Variants in TNFSF8 observed in about 807,000 individuals in gnomAD.
TNFSF8 encodes TNF superfamily member 8.
TNFSF8 carries 4 observed loss-of-function variants against 22.0 expected under a neutral mutation model. That is an observed-to-expected ratio of 0.18 (90% CI 0.09 to 0.42). The LOEUF (loss-of-function observed/expected upper bound fraction) is 0.42, where lower values mean the gene tolerates loss of function less well. Among genes scored for constraint, TNFSF8 ranks in the 10% least tolerant of loss-of-function variants. The pLI, the probability that TNFSF8 is intolerant of heterozygous loss-of-function variation, is 1.00. For missense variants in TNFSF8, 233 were observed against 281.8 expected (o/e 0.83, Z 1.24); for synonymous variants, 106 against 112.5 (o/e 0.94, Z 0.37).
exon 5 of TNFSF8, chr9:114,893,702 G>A (rs76985645): frequency 7.0e-4 from 130 of 184,850 alleles, no homozygotes; most frequent in African/African-American, 2.7e-3. Flanking sequence ...ATAATGGGCT[G>A]TTGCATGATT....
intron 2 of TNFSF8, among the ~76,000 whole-genome samples, chr9:114,908,313 G>A (rs1233498335): frequency 1.3e-5 from 2 of 152,206 alleles, no homozygotes; most frequent in Non-Finnish European, 2.9e-5. Context: ...CAACAGTGAG[G>A]TGAATCAGGA....
intron 1 of TNFSF8, among the ~76,000 whole-genome samples, chr9:114,926,122 A>G (rs1216690161): frequency 6.6e-6 from 1 of 151,942 alleles, no homozygotes; most frequent in Non-Finnish European, 1.5e-5. Context: ...TTTTCTTTCC[A>G]TATTGATGTA....
rs911671073 is a variant in TNFSF8 at position 114,901,325 on chromosome 9, C to CT, written c.*2605dup. The CT allele has an allele frequency of 1.5e-5, 15 of 985,178 alleles. No individual in the cohort carries two copies. Among genetic ancestry groups the CT allele is most frequent in the Admixed American group, 6.2e-5 (1 of 16,244 alleles). The allele number at this position is 985,178 out of a possible 1,614,324, so 61.0% of individuals were successfully genotyped here. ...CAGTTGAGTTATTAATGATTATTCTCTTTTTTTGTTTGTTTGGTTACATTA... is the reference window on the plus strand; with the variant it reads ...CAGTTGAGTTATTAATGATTATTCTCTTTTTTTTGTTTGTTTGGTTACATTA... On this transcript the variant is annotated 3_prime_UTR_variant, in exon 4 of 4. Coordinates refer to ENST00000223795, the MANE Select transcript of TNFSF8 (RefSeq NM_001244.4).
chr9:114,926,061 C>T (rs1025568690), intron 1 of TNFSF8, among the ~76,000 whole-genome samples: 2 of 152,142 alleles, frequency 1.3e-5, no homozygotes, highest in Non-Finnish European at 2.9e-5. Context: ...TAGTCTGTTG[C>T]AGGCTGCCTA....
intron 2 of TNFSF8, 58 bp from the exon 3 acceptor site, chr9:114,905,957 A>T: frequency 1.7e-6 from 2 of 1,157,500 alleles, no homozygotes; most frequent in Non-Finnish European, 2.6e-6. Flanking sequence ...ATCTGGAAAT[A>T]CCTGATCTTT....
intron 1 of TNFSF8, among the ~76,000 whole-genome samples, chr9:114,929,874 CATAT>C (rs10535780): frequency 0.34 from 48,624 of 144,940 alleles, 11,170 homozygotes; most frequent in African/African-American, 0.63. Context: ...CTCCCTTTCT[CATAT>C]ATATATATAT....
At position 114,901,503 on chromosome 9, in the gene TNFSF8, A is replaced by T; in HGVS notation, c.*2428T>A. The T allele has an allele frequency of 1.0e-6, 1 of 985,344 alleles. No individual in the cohort carries two copies. Among genetic ancestry groups the T allele is most frequent in the Non-Finnish European group, 1.2e-6 (1 of 829,884 alleles). The allele number at this position is 985,344 out of a possible 1,614,324, so 61.0% of individuals were successfully genotyped here. ...AAAAATGAAAATGGAATCTTTCTCG[A>T]GTTAGAATGTGAGATGGCAAAAAAA... On this transcript the variant is annotated 3_prime_UTR_variant, in exon 4 of 4. Coordinates refer to ENST00000223795, the MANE Select transcript of TNFSF8 (RefSeq NM_001244.4).
At chr9:114,914,118 G>A (rs866344310) in intron 2 of TNFSF8, among the ~76,000 whole-genome samples, 2 of 152,158 alleles carry the variant, frequency 1.3e-5, no homozygotes, top group Admixed American at 6.5e-5. Flanking sequence ...AAAGTGGAGG[G>A]GAAATGGGAG....
At chr9:114,893,352 A>G (rs1443995011) in exon 5 of TNFSF8, 1 of 152,292 alleles carries the variant, frequency 6.6e-6, no homozygotes, top group African/African-American at 2.4e-5. Flanking sequence ...CTGTGTTCCA[A>G]TAAAACTTTA....
intron 2 of TNFSF8, among the ~76,000 whole-genome samples, chr9:114,912,493 G>A (rs149278412): frequency 6.6e-6 from 1 of 152,216 alleles, no homozygotes; most frequent in Non-Finnish European, 1.5e-5. Context: ...GGGTTCAAGC[G>A]ATTCTCCTGC....
Position 114,902,205 on chromosome 9 carries a change from A to G in TNFSF8, c.*1726T>C. 1 of 985,388 alleles carries G rather than the reference A, an allele frequency of 1.0e-6. No individual in the cohort carries two copies. The highest frequency in any genetic ancestry group is 1.2e-6 in the Non-Finnish European group (1 of 829,910). 61.0% of individuals were successfully genotyped at this position (985,388 alleles called of 1,614,324 possible). ...ATCTCATGGCTACCCCAATCAGGAG[A>G]GAGGTTGCTGTTTCTCAGAAGTCCT... On this transcript the variant is annotated 3_prime_UTR_variant, in exon 4 of 4. Transcript: ENST00000223795.
At chr9:114,896,347 G>C (rs1827655228), downstream of TNFSF8, among the ~76,000 whole-genome samples, 2 of 152,186 alleles carry the variant, frequency 1.3e-5, no homozygotes, top group Non-Finnish European at 2.9e-5. Flanking sequence ...AAATTTGGGA[G>C]CTTAAAATAA....
chr9:114,907,281 G>A (rs1827796471), intron 2 of TNFSF8, among the ~76,000 whole-genome samples: 1 of 152,140 alleles, frequency 6.6e-6, no homozygotes, highest in Admixed American at 6.5e-5. Context: ...TCTTGGTGGT[G>A]AGAGCCAGTG....
chr9:114,898,471 C>T (rs1827680344), downstream of TNFSF8, among the ~76,000 whole-genome samples: 1 of 152,078 alleles, frequency 6.6e-6, no homozygotes, highest in Non-Finnish European at 1.5e-5. Flanking sequence ...AGACTGGAGG[C>T]AGTGCTGTGA....
chr9:114,894,862 G>T (rs1827641190), intron 4 of TNFSF8, among the ~76,000 whole-genome samples: 2 of 152,222 alleles, frequency 1.3e-5, no homozygotes, highest in Non-Finnish European at 1.5e-5. Flanking sequence ...TGGTAGAAAT[G>T]AAGCCTCCTT....
intron 3 of TNFSF8, among the ~76,000 whole-genome samples, chr9:114,905,385 T>C (rs913322525): frequency 1.3e-5 from 2 of 152,312 alleles, no homozygotes; most frequent in Non-Finnish European, 2.9e-5. Flanking sequence ...GCTGTCAATC[T>C]GGGGACAAGG....
chr9:114,898,493 T>C (rs1827680557), downstream of TNFSF8, among the ~76,000 whole-genome samples: 1 of 152,048 alleles, frequency 6.6e-6, no homozygotes, highest in African/African-American at 2.4e-5. Flanking sequence ...TTAGGAGGTA[T>C]TGAGAGTGGT....
At chr9:114,926,002 C>A (rs1828053483) in intron 1 of TNFSF8, among the ~76,000 whole-genome samples, 1 of 152,140 alleles carries the variant, frequency 6.6e-6, no homozygotes, top group African/African-American at 2.4e-5. Flanking sequence ...TTTATTTTTT[C>A]TTCTTTTGCT....
chr9:114,896,263 C>T (rs984941352), downstream of TNFSF8, among the ~76,000 whole-genome samples: 9 of 152,160 alleles, frequency 5.9e-5, no homozygotes, highest in Non-Finnish European at 1.2e-4. Flanking sequence ...GCATTTTTAA[C>T]AAGCTCTCTG....
Sources: allele counts gnomAD v4.1 joint callset (sites outside exome capture counted in the v4.1 genomes callset), GRCh38; gene constraint gnomAD v4.1.1; transcripts MANE v1.5; gene names NCBI Gene and HGNC (gene_info 2026-07-23, HGNC 2026-07-21).